The following SLC16A1 variants were observed in gnomAD, a reference collection of about 807,000 sequenced individuals.
The protein encoded by SLC16A1 is solute carrier family 16 member 1.
SLC16A1 carries 11 observed loss-of-function variants against 32.2 expected under a neutral mutation model. The ratio of observed to expected loss-of-function variants is 0.34; its 90% CI spans 0.21 to 0.56. SLC16A1 has a LOEUF of 0.56. Among genes scored for constraint, SLC16A1 ranks in the 20% least tolerant of loss-of-function variants. SLC16A1 has a pLI of 0.87. For synonymous variants in SLC16A1, 231 were observed against 226.8 expected (o/e 1.02, Z -0.17); for missense variants, 435 against 615.0 (o/e 0.71, Z 3.10).
intron 1 of SLC16A1, among the ~76,000 whole-genome samples, chr1:112,948,433 T>C (rs753528471): frequency 1.3e-5 from 2 of 152,218 alleles, no homozygotes; most frequent in Non-Finnish European, 2.9e-5. Context: ...TATGCTGCCA[T>C]TAAGATAATT....
At chr1:112,933,585 TA>T (rs201081163) in intron 1 of SLC16A1, among the ~76,000 whole-genome samples, 2 of 149,548 alleles carry the variant, frequency 1.3e-5, no homozygotes, top group African/African-American at 2.5e-5. Context: ...TCACCCAGCT[TA>T]AAAAAAAAGC....
chr1:112,926,860 C>CA (rs1648958522), intron 2 of SLC16A1, among the ~76,000 whole-genome samples: 1 of 150,438 alleles, frequency 6.6e-6, no homozygotes, highest in Admixed American at 6.6e-5. Context: ...GCCTGAGTGA[C>CA]AGAGTGAGAA....
rs573589898 is a variant in SLC16A1, at chr1:112,927,542, A to C, written c.217+1550T>G. ...ATACTATTTAGAAACCAAACCAAAC[A>C]AAACAACCCATTTAGTAAAAATTCT... is the stretch of plus-strand genomic sequence containing the variant. On this transcript the variant is annotated intron_variant, in intron 2 of 4. Coordinates refer to ENST00000369626, the MANE Select transcript of SLC16A1 (RefSeq NM_003051.4). 8.7e-4 allele frequency among the ~76,000 whole-genome samples: 133 copies of C among 152,340 alleles called. 1 individual carries two copies. Among genetic ancestry groups the C allele is most frequent in the African/African-American group, 3.0e-3 (123 of 41,574 alleles).
At chr1:112,953,204 A>G (rs1390309311) in intron 1 of SLC16A1, among the ~76,000 whole-genome samples, 3 of 137,050 alleles carry the variant, frequency 2.2e-5, no homozygotes, top group Non-Finnish European at 4.5e-5. Context: ...GCCTGAGCTG[A>G]GCTGAAGTGC....
intron 4 of SLC16A1, among the ~76,000 whole-genome samples, chr1:112,914,841 A>C (rs940378839): frequency 6.6e-6 from 1 of 152,246 alleles, no homozygotes; most frequent in African/African-American, 2.4e-5. Context: ...TCAAAAGTCA[A>C]ATGAATTGAT....
chr1:112,935,545 T>C (rs941584852), intron 1 of SLC16A1, among the ~76,000 whole-genome samples: 4 of 152,176 alleles, frequency 2.6e-5, no homozygotes, highest in Admixed American at 2.6e-4. Context: ...TCTGAAGCTA[T>C]GAAAGAAAGG....
At chr1:112,951,139 C>CT (rs1428329526) in intron 1 of SLC16A1, among the ~76,000 whole-genome samples, 1 of 151,886 alleles carries the variant, frequency 6.6e-6, no homozygotes, top group Non-Finnish European at 1.5e-5. Flanking sequence ...AACATGCCAC[C>CT]TAAACTAGTC....
At position 112,913,795 on chromosome 1, in the gene SLC16A1, TTTGCA is replaced by T. The variant is rs1364258827; in HGVS notation, c.*91_*95del. On this transcript the variant is annotated 3_prime_UTR_variant, in exon 5 of 5. Coordinates refer to ENST00000369626, the MANE Select transcript of SLC16A1 (RefSeq NM_003051.4). Reference sequence around the variant, plus strand: ...ATGATTTCCACACAAATGTCTACTATTTGCATTGAGCACCACTGGTAGATTACAGG... The same window carrying T: ...ATGATTTCCACACAAATGTCTACTATTTGAGCACCACTGGTAGATTACAGG... 1 of 1,425,586 alleles carries T rather than the reference TTTGCA, an allele frequency of 7.0e-7. No homozygotes were observed. The highest frequency in any genetic ancestry group is 1.4e-5 in the African/African-American group (1 of 70,988). 88.3% of individuals were successfully genotyped at this position (1,425,586 alleles called of 1,614,324 possible).
chr1:112,920,434 C>T (rs796142411), intron 3 of SLC16A1, among the ~76,000 whole-genome samples: 1 of 152,006 alleles, frequency 6.6e-6, no homozygotes, highest in Non-Finnish European at 1.5e-5. Flanking sequence ...AGTGAAACCC[C>T]GTCTCTACTA....
At chr1:112,934,145 C>T (rs1358604930) in intron 1 of SLC16A1, among the ~76,000 whole-genome samples, 1 of 152,178 alleles carries the variant, frequency 6.6e-6, no homozygotes, top group South Asian at 2.1e-4. Flanking sequence ...AGGCAAAATT[C>T]TAGCACAGGT....
chr1:112,929,221 T>C lies in SLC16A1; in HGVS notation c.88A>G (p.Ile30Val), dbSNP rs1022661813. The C allele has an allele frequency of 3.7e-6, 6 of 1,614,122 alleles. No homozygotes were observed. Among genetic ancestry groups the C allele is most frequent in the Non-Finnish European group, 5.1e-6 (6 of 1,180,012 alleles). The change falls in exon 2 of 5, where the codon ATC (isoleucine) becomes GTC (valine). Residue 30 changes from isoleucine (I) to valine (V), a missense_variant. Transcript: ENST00000369626. ...WAVVIGAFISIGFSYAFPKSI... is the reference protein window; with the variant it reads ...WAVVIGAFISVGFSYAFPKSI... The stretch of plus-strand genomic sequence containing the variant: ...TTGGGAAATGCATAAGAGAAGCCGA[T>C]GGAAATGAAAGCTCCAATTACCACT...
chr1:112,929,211 G>A lies in SLC16A1; in HGVS notation c.98C>T (p.Ser33Phe). The change falls in exon 2 of 5, where the codon TCT (serine) becomes TTT (phenylalanine). Residue 33 changes from serine (S) to phenylalanine (F), a missense_variant. This residue lies in a region of SLC16A1 where 324 missense variants were observed against 500.3 expected (regional missense o/e 0.65). Transcript: ENST00000369626. ...VIGAFISIGF[S>F]YAFPKSITVF... The stretch of plus-strand genomic sequence containing the variant: ...AGTAATTGATTTGGGAAATGCATAA[G>A]AGAAGCCGATGGAAATGAAAGCTCC... 6.2e-7 allele frequency: 1 copy of A among 1,614,068 alleles called. No homozygotes were observed. Among genetic ancestry groups the A allele is most frequent in the Non-Finnish European group, 8.5e-7 (1 of 1,180,012 alleles).
chr1:112,940,269 C>T (rs1006182580), intron 1 of SLC16A1, among the ~76,000 whole-genome samples: 3 of 152,016 alleles, frequency 2.0e-5, no homozygotes, highest in African/African-American at 7.2e-5. Context: ...AACGCCTGGG[C>T]TGGGCTCAAG....
At chr1:112,954,009 A>G (rs1289162722) in intron 1 of SLC16A1, among the ~76,000 whole-genome samples, 1 of 152,232 alleles carries the variant, frequency 6.6e-6, no homozygotes, top group Non-Finnish European at 1.5e-5. Context: ...GGCAAGTGGT[A>G]AAATTTGTTC....
intron 1 of SLC16A1, among the ~76,000 whole-genome samples, chr1:112,940,645 G>T (rs1280332965): frequency 6.6e-6 from 1 of 151,954 alleles, no homozygotes; most frequent in African/African-American, 2.4e-5. Flanking sequence ...TATGTATACT[G>T]GAAAGGATGG....
chr1:112,943,007 G>A lies in SLC16A1; in HGVS notation c.-45+13028C>T, dbSNP rs1307877641. Among the ~76,000 whole-genome samples the A allele has an allele frequency of 4.6e-5, 7 of 152,162 alleles. No homozygotes were observed. The East Asian group carries it at 1.4e-3, about 29-fold the overall frequency. Reference sequence around the variant, plus strand: ...TCCTCTTTTGTCAATCTCAGCCAACGTTATGTTAAATAATCTGAATCTAGT... The same window carrying A: ...TCCTCTTTTGTCAATCTCAGCCAACATTATGTTAAATAATCTGAATCTAGT... On this transcript the variant is annotated intron_variant, in intron 1 of 4. Coordinates refer to ENST00000369626, the MANE Select transcript of SLC16A1 (RefSeq NM_003051.4).
intron 1 of SLC16A1, among the ~76,000 whole-genome samples, chr1:112,930,484 A>G (rs1649091217): frequency 6.6e-6 from 1 of 152,154 alleles, no homozygotes; most frequent in Non-Finnish European, 1.5e-5. Context: ...TCCAATAGAC[A>G]TTATCTTCTT....
intron 3 of SLC16A1, 103 bp downstream of exon 3, chr1:112,921,887 A>G (rs1648747463): frequency 2.2e-6 from 3 of 1,371,448 alleles, no homozygotes; most frequent in Non-Finnish European, 2.1e-6. Flanking sequence ...AGTCATTTCT[A>G]TAAGAAAAGA....
intron 1 of SLC16A1, among the ~76,000 whole-genome samples, chr1:112,945,687 G>GA (rs72482006): frequency 7.6e-4 from 92 of 121,638 alleles, no homozygotes; most frequent in African/African-American, 1.4e-3. Flanking sequence ...AAAAAAAAAA[G>GA]AAAAAAAAAA....
Sources: gnomAD v4.1 joint callset for allele counts (sites outside exome capture counted in the v4.1 genomes callset) on GRCh38, gnomAD v4.1.1 for gene constraint, gnomAD v4.1.1 regional missense constraint, MANE v1.5 for transcripts, NCBI Gene and HGNC (gene_info 2026-07-23, HGNC 2026-07-21) for gene names.